The following CNTNAP5 variants were observed in gnomAD, a reference collection of about 807,000 sequenced individuals.
CNTNAP5 encodes contactin-associated protein-like 5.
A neutral mutation model predicts 150.2 loss-of-function variants in CNTNAP5; 72 were observed. That is an observed-to-expected ratio of 0.48 (90% CI 0.40 to 0.58). The LOEUF (loss-of-function observed/expected upper bound fraction) is 0.58. Ranked by LOEUF, CNTNAP5 falls within the 20% of genes least tolerant of loss-of-function variation. The pLI, the probability that CNTNAP5 is intolerant of heterozygous loss-of-function variation, is 0.00. For missense variants in CNTNAP5, 1,636 were observed against 1,626.2 expected, an observed-to-expected ratio of 1.01 and a Z score of -0.10; for synonymous variants, 672 against 619.8, an observed-to-expected ratio of 1.08 and a Z score of -1.25.
At chr2:124,737,757 C>A (rs560890122) in intron 13 of CNTNAP5, among the ~76,000 whole-genome samples, 2 of 152,076 alleles carry the variant, frequency 1.3e-5, no homozygotes, top group African/African-American at 4.8e-5. Context: ...TAATTACCCA[C>A]GGAAGAGATC....
At chr2:124,352,161 C>T (rs7560392) in intron 3 of CNTNAP5, among the ~76,000 whole-genome samples, 20,649 of 151,832 alleles carry the variant, frequency 0.14, 1,429 homozygotes, top group East Asian at 0.18. Context: ...GACCTTGCCT[C>T]ATTTCATCAA....
At chr2:124,737,247 C>T (rs1213030853) in intron 13 of CNTNAP5, among the ~76,000 whole-genome samples, 3 of 136,612 alleles carry the variant, frequency 2.2e-5, no homozygotes, top group African/African-American at 8.5e-5. Context: ...GCTGAGATCA[C>T]AATAATGCAC....
In CNTNAP5 at chr2:124,626,029, T is replaced by C. The variant is rs1414715785; in HGVS notation, c.1876+16109T>C. ...TTGTACAAAATTAGATAGAATTAAA[T>C]AAGCAAATGTACCCAACACACCCAG... On this transcript the variant is annotated intron_variant, in intron 12 of 23. Coordinates refer to ENST00000682447, the MANE Select transcript of CNTNAP5 (RefSeq NM_001367498.1). 2.0e-5 allele frequency among the ~76,000 whole-genome samples: 3 copies of C among 152,100 alleles called. No individual in the cohort carries two copies. In the East Asian group the frequency reaches 5.8e-4, roughly 29 times the overall value.
chr2:124,207,167 C>G (rs555874288), intron 1 of CNTNAP5, among the ~76,000 whole-genome samples: 4 of 152,252 alleles, frequency 2.6e-5, no homozygotes, highest in African/African-American at 9.6e-5. Flanking sequence ...CATCAAAATG[C>G]ACTTGAAAAA....
At chr2:124,771,078 G>A (rs1681181558) in intron 16 of CNTNAP5, among the ~76,000 whole-genome samples, 1 of 152,128 alleles carries the variant, frequency 6.6e-6, no homozygotes, top group Non-Finnish European at 1.5e-5. Context: ...TCAAAATTCT[G>A]TGTAATGCGG....
chr2:124,150,229 A>G (rs1208359210), intron 1 of CNTNAP5, among the ~76,000 whole-genome samples: 1 of 152,040 alleles, frequency 6.6e-6, no homozygotes, highest in East Asian at 2.0e-4. Context: ...GCCCTACTAT[A>G]TTTAAATTAG....
intron 1 of CNTNAP5, among the ~76,000 whole-genome samples, chr2:124,200,775 G>C (rs990191197): frequency 6.6e-6 from 1 of 152,156 alleles, no homozygotes; most frequent in Non-Finnish European, 1.5e-5. Context: ...TGAAATCCCA[G>C]TCCAGAGGCA....
intron 6 of CNTNAP5, among the ~76,000 whole-genome samples, chr2:124,448,269 A>AAATAATAAT (rs869148616): frequency 0.18 from 25,211 of 144,046 alleles, 2,517 homozygotes; most frequent in South Asian, 0.3. Context: ...CTCCGTCTTA[A>AAATAATAAT]AATAATAATA....
chr2:124,628,153 T>A lies in CNTNAP5; in HGVS notation c.1876+18233T>A, dbSNP rs76957094. Reference sequence around the variant, plus strand: ...TTGTAAAACACACTTCAGTGTATCATCCGGGAGGACTTCCCCAACCTAGAA... The same window carrying A: ...TTGTAAAACACACTTCAGTGTATCAACCGGGAGGACTTCCCCAACCTAGAA... On this transcript the variant is annotated intron_variant, in intron 12 of 23. Transcript: ENST00000682447. Among the ~76,000 whole-genome samples the A allele has an allele frequency of 2.5e-3, 388 of 152,258 alleles. 1 individual carries two copies. The highest frequency in any genetic ancestry group is 8.7e-3 in the African/African-American group (362 of 41,540).
At chr2:124,237,397 G>A (rs1686777148) in intron 2 of CNTNAP5, among the ~76,000 whole-genome samples, 1 of 152,160 alleles carries the variant, frequency 6.6e-6, no homozygotes, top group Middle Eastern at 3.2e-3. Context: ...ATTTTCTACT[G>A]GTTATTCTGC....
At chr2:124,508,133 A>G (rs1035808489) in intron 8 of CNTNAP5, among the ~76,000 whole-genome samples, 1 of 152,204 alleles carries the variant, frequency 6.6e-6, no homozygotes, top group Non-Finnish European at 1.5e-5. Flanking sequence ...GAGGTAGTAT[A>G]TCTCAAATAC....
At chr2:124,853,682 G>A (rs889255983) in intron 19 of CNTNAP5, among the ~76,000 whole-genome samples, 2 of 151,900 alleles carry the variant, frequency 1.3e-5, no homozygotes, top group Admixed American at 1.3e-4. Context: ...TTAGATTCAG[G>A]GGTACATGTT....
intron 19 of CNTNAP5, among the ~76,000 whole-genome samples, chr2:124,857,345 C>T (rs1488719675): frequency 3.3e-5 from 5 of 152,072 alleles, no homozygotes; most frequent in Non-Finnish European, 7.4e-5. Flanking sequence ...TAAACACAGG[C>T]AATAGTCAGC....
intron 1 of CNTNAP5, among the ~76,000 whole-genome samples, chr2:124,036,025 C>T (rs956446282): frequency 9.6e-5 from 14 of 146,304 alleles, no homozygotes; most frequent in African/African-American, 2.5e-4. Flanking sequence ...CCCGGGTTCA[C>T]GCCATTCTCC....
chr2:124,250,391 T>C (rs990249254), intron 3 of CNTNAP5, among the ~76,000 whole-genome samples: 2 of 152,088 alleles, frequency 1.3e-5, no homozygotes, highest in Non-Finnish European at 2.9e-5. Flanking sequence ...TTATCAATAA[T>C]AAGGGATGTC....
At position 124,504,459 on chromosome 2, in the gene CNTNAP5, G is replaced by A; in HGVS notation, c.1230G>A (p.Leu410=). The A allele has an allele frequency of 1.9e-6, 3 of 1,613,792 alleles. No individual in the cohort carries two copies. The highest frequency in any genetic ancestry group is 8.5e-7 in the Non-Finnish European group (1 of 1,179,814). ...NKDGLLLSTE[L]SEGSGTLLLS... is the part of the protein sequence containing the mutation. ...ATGGTCTGCTTCTGTCCACAGAGCT[G>A]TCTGAGGGCTCGGGAACCCTGCTGC... The change falls in exon 8 of 24, where the codon CTG becomes CTA. Residue 410 remains leucine (L), a synonymous_variant. Coordinates refer to ENST00000682447, the MANE Select transcript of CNTNAP5 (RefSeq NM_001367498.1).
chr2:124,757,108 G>T (rs1424113695), intron 14 of CNTNAP5, among the ~76,000 whole-genome samples: 1 of 152,140 alleles, frequency 6.6e-6, no homozygotes, highest in African/African-American at 2.4e-5. Context: ...TAGGGCTGCT[G>T]TCTGAAAGTT....
intron 17 of CNTNAP5, among the ~76,000 whole-genome samples, chr2:124,786,367 GA>G (rs751694829): frequency 8.1e-5 from 5 of 61,524 alleles, no homozygotes; most frequent in African/African-American, 3.8e-4. Flanking sequence ...AAGAAAGAAA[GA>G]AAGAAAGAAA....
rs28498031 is a variant in CNTNAP5 at position 124,101,667 on chromosome 2, A to G, written c.82+75935A>G. 1.9e-3 allele frequency among the ~76,000 whole-genome samples: 295 copies of G among 152,354 alleles called. 1 individual carries two copies. Among genetic ancestry groups the G allele is most frequent in the African/African-American group, 6.8e-3 (284 of 41,578 alleles). On this transcript the variant is annotated intron_variant, in intron 1 of 23. Coordinates refer to ENST00000682447, the MANE Select transcript of CNTNAP5 (RefSeq NM_001367498.1). ...GCTTATAAAAAACATCTGCAAGTTAAAAGTTGAAAAGTTATTTATTTCAGC... is the reference window on the plus strand; with the variant it reads ...GCTTATAAAAAACATCTGCAAGTTAGAAGTTGAAAAGTTATTTATTTCAGC...
Sources: allele counts gnomAD v4.1 joint callset (sites outside exome capture counted in the v4.1 genomes callset), GRCh38; gene constraint gnomAD v4.1.1; transcripts MANE v1.5; gene names NCBI Gene and HGNC (gene_info 2026-07-23, HGNC 2026-07-21).